CSMD1: variants seen among roughly 807,000 people sequenced by gnomAD.
CSMD1 encodes CUB and Sushi multiple domains 1, also known as CUB and sushi domain-containing protein 1.
Under a neutral mutation model 417.5 loss-of-function variants are expected in CSMD1, and 213 were observed. The observed-to-expected ratio is 0.51, with a 90% CI of 0.46 to 0.57. CSMD1 has a LOEUF of 0.57. Ranked by LOEUF, CSMD1 falls within the 20% of genes least tolerant of loss-of-function variation. The pLI is 0.00. For synonymous variants in CSMD1, 2,862 were observed against 1,736.8 expected (o/e 1.65, Z -16.11); for missense variants, 6,923 against 4,529.7 (o/e 1.53, Z -15.17).
chr8:3,246,717 C>G (rs1303171850), intron 26 of CSMD1, among the ~76,000 whole-genome samples: 1 of 152,194 alleles, frequency 6.6e-6, no homozygotes, highest in Non-Finnish European at 1.5e-5. Context: ...GGTGATCTTG[C>G]CCGCCTTGGC....
At chr8:3,631,645 T>G (rs1401491859) in intron 7 of CSMD1, among the ~76,000 whole-genome samples, 2 of 152,214 alleles carry the variant, frequency 1.3e-5, no homozygotes, top group African/African-American at 4.8e-5. Flanking sequence ...CTGGTGATTT[T>G]AGCCAGTCCA....
In CSMD1 at chr8:3,399,408, G is replaced by T. The variant is rs758634717; in HGVS notation, c.2388C>A (p.Ile796=). 1 of 1,604,024 alleles carries T rather than the reference G, an allele frequency of 6.2e-7. No homozygotes were observed. The change falls in exon 16 of 70, where the codon ATC becomes ATA. Residue 796 remains isoleucine, a synonymous_variant. Coordinates refer to ENST00000635120, the MANE Select transcript of CSMD1 (RefSeq NM_033225.6). ...WIIEAKPGHS[I]KITFDRFQTE... Reference sequence around the variant, plus strand: ...TTTCTTACCTGTCAAAAGTTATTTTGATAGAGTGGCCTGGTTTTGCTTCAA... The same window carrying T: ...TTTCTTACCTGTCAAAAGTTATTTTTATAGAGTGGCCTGGTTTTGCTTCAA...
chr8:3,991,421 C>G (rs1414952400), intron 5 of CSMD1, among the ~76,000 whole-genome samples: 1 of 152,162 alleles, frequency 6.6e-6, no homozygotes, highest in Non-Finnish European at 1.5e-5. Flanking sequence ...CTTTATGCGA[C>G]AGCTTCATGG....
intron 9 of CSMD1, among the ~76,000 whole-genome samples, chr8:3,579,205 A>T (rs2220012): frequency 9.9e-5 from 15 of 151,852 alleles, no homozygotes; most frequent in African/African-American, 3.1e-4. Flanking sequence ...AAACGTCAGG[A>T]GGGAAAGTGG....
At position 4,486,927 on chromosome 8, in the gene CSMD1, C is replaced by G. The variant is rs926954211; in HGVS notation, c.303-66862G>C. On this transcript the variant is annotated intron_variant, in intron 2 of 69. Coordinates refer to ENST00000635120, the MANE Select transcript of CSMD1 (RefSeq NM_033225.6). ...GAATTAGAATTTAATTAAAGCTTGT[C>G]AAGCAGGCAGGGTCCTAAATGGTAG... 2.0e-5 allele frequency among the ~76,000 whole-genome samples: 3 copies of G among 152,230 alleles called. No individual in the cohort carries two copies. In the East Asian group the frequency reaches 5.8e-4, roughly 29 times the overall value.
chr8:4,556,860 G>A (rs1161599530), intron 2 of CSMD1, among the ~76,000 whole-genome samples: 8 of 152,232 alleles, frequency 5.3e-5, no homozygotes, highest in South Asian at 2.1e-4. Context: ...TAACTAATAC[G>A]TATAATGCAA....
chr8:4,627,519 A>G (rs1394068547), intron 2 of CSMD1, among the ~76,000 whole-genome samples: 2 of 152,206 alleles, frequency 1.3e-5, no homozygotes, highest in East Asian at 3.8e-4. Context: ...ATTAAATAAA[A>G]TAACTATTTC....
chr8:3,423,559 T>C (rs987433794), intron 12 of CSMD1, among the ~76,000 whole-genome samples: 10 of 152,204 alleles, frequency 6.6e-5, no homozygotes, highest in African/African-American at 2.4e-4. Context: ...TTTGGCACCA[T>C]TTGTCTATCT....
At chr8:4,749,102 C>G (rs191257300) in intron 1 of CSMD1, among the ~76,000 whole-genome samples, 1 of 152,242 alleles carries the variant, frequency 6.6e-6, no homozygotes, top group Non-Finnish European at 1.5e-5. Flanking sequence ...GCAGTCTCCA[C>G]TCGCTTTGCT....
At chr8:3,503,778 G>C (rs1009612182) in intron 10 of CSMD1, among the ~76,000 whole-genome samples, 1 of 151,960 alleles carries the variant, frequency 6.6e-6, no homozygotes, top group South Asian at 2.1e-4. Context: ...TTTCAAAATG[G>C]CCTAAAAAGC....
intron 4 of CSMD1, among the ~76,000 whole-genome samples, chr8:4,008,818 G>C (rs1042542561): frequency 6.6e-6 from 1 of 151,726 alleles, no homozygotes; most frequent in Non-Finnish European, 1.5e-5. Flanking sequence ...CAATGTGTTA[G>C]CCAGGATGGT....
chr8:3,932,507 G>A (rs576851858), intron 5 of CSMD1, among the ~76,000 whole-genome samples: 1 of 150,554 alleles, frequency 6.6e-6, no homozygotes, highest in South Asian at 2.1e-4. Flanking sequence ...AGGGAAAGCA[G>A]CAGATGTTAG....
chr8:4,323,060 C>A (rs537877097), intron 3 of CSMD1, among the ~76,000 whole-genome samples: 2 of 151,896 alleles, frequency 1.3e-5, no homozygotes, highest in South Asian at 2.1e-4. Context: ...GACCAGCCTA[C>A]AAATAGAGAG....
intron 27 of CSMD1, 118 bp downstream of exon 27, chr8:3,229,922 A>G: frequency 1.4e-6 from 1 of 718,460 alleles, no homozygotes; most frequent in South Asian, 2.6e-5. Context: ...AGAGCCAGAG[A>G]ACATGAAAGA....
intron 10 of CSMD1, among the ~76,000 whole-genome samples, chr8:3,549,227 T>A (rs1350856179): frequency 1.3e-5 from 2 of 152,236 alleles, no homozygotes; most frequent in African/African-American, 4.8e-5. Flanking sequence ...GCATGGTTTC[T>A]ATGTTCTGAA....
chr8:3,875,469 C>T (rs529797168), intron 5 of CSMD1, among the ~76,000 whole-genome samples: 43 of 152,084 alleles, frequency 2.8e-4, no homozygotes, highest in African/African-American at 9.9e-4. Flanking sequence ...TGGAAAAGCC[C>T]GAACTGGGTT....
At chr8:3,660,713 G>T (rs1329606184) in intron 7 of CSMD1, among the ~76,000 whole-genome samples, 2 of 142,002 alleles carry the variant, frequency 1.4e-5, no homozygotes, top group South Asian at 5.1e-4. Context: ...TAGAGACAGG[G>T]TTTCACCATG....
intron 1 of CSMD1, among the ~76,000 whole-genome samples, chr8:4,700,160 C>T (rs1807433398): frequency 6.6e-6 from 1 of 151,966 alleles, no homozygotes; most frequent in African/African-American, 2.4e-5. Context: ...CCTTTCAAGA[C>T]CTATTCAGTT....
intron 51 of CSMD1, among the ~76,000 whole-genome samples, chr8:3,025,251 G>A (rs1263094881): frequency 6.6e-6 from 1 of 150,950 alleles, no homozygotes; most frequent in Non-Finnish European, 1.5e-5. Context: ...TGTATTGTGT[G>A]GTGTTATTCT....
Sources: gnomAD v4.1 joint callset for allele counts (sites outside exome capture counted in the v4.1 genomes callset) on GRCh38, gnomAD v4.1.1 for gene constraint, MANE v1.5 for transcripts, NCBI Gene and HGNC (gene_info 2026-07-23, HGNC 2026-07-21) for gene names.